PTPRD: variants seen among roughly 807,000 people sequenced by gnomAD.
PTPRD encodes receptor-type tyrosine-protein phosphatase delta.
Under a neutral mutation model 214.5 loss-of-function variants are expected in PTPRD, and 34 were observed. The ratio of observed to expected loss-of-function variants is 0.16; its 90% confidence interval spans 0.12 to 0.21. The LOEUF is 0.21. Among genes scored for constraint, PTPRD ranks in the 10% least tolerant of loss-of-function variants. PTPRD has a pLI of 1.00. For synonymous variants in PTPRD, 1,128 were observed against 845.7 expected (o/e 1.33, Z -5.79); for missense variants, 2,545 against 2,398.7 (o/e 1.06, Z -1.27).
chr9:9,374,200 A>T (rs1419808428), intron 9 of PTPRD, among the ~76,000 whole-genome samples: 3 of 152,078 alleles, frequency 2.0e-5, no homozygotes, highest in Non-Finnish European at 2.9e-5. Context: ...ATATAAAATG[A>T]TAGACTGCAA....
chr9:8,370,780 A>G (rs367696391), intron 39 of PTPRD, among the ~76,000 whole-genome samples: 26 of 152,154 alleles, frequency 1.7e-4, no homozygotes, highest in African/African-American at 6.0e-4. Flanking sequence ...CATGGGACCT[A>G]AAGTCTGGAG....
At chr9:10,254,669 T>G (rs10756018) in intron 3 of PTPRD, among the ~76,000 whole-genome samples, 71,364 of 152,024 alleles carry the variant, frequency 0.47, 17,780 homozygotes, top group East Asian at 0.64. Context: ...AAGGGGATCC[T>G]TTTGACTGCC....
intron 12 of PTPRD, among the ~76,000 whole-genome samples, chr9:8,701,800 G>C (rs1476868526): frequency 2.6e-5 from 4 of 152,080 alleles, no homozygotes; most frequent in African/African-American, 9.7e-5. Context: ...TACTATCTCA[G>C]TTACTGCCAC....
At chr9:8,757,219 AC>A (rs1191843546) in intron 11 of PTPRD, among the ~76,000 whole-genome samples, 1 of 152,210 alleles carries the variant, frequency 6.6e-6, no homozygotes, top group Non-Finnish European at 1.5e-5. Flanking sequence ...TGTTAGACAA[AC>A]AAAAAAAGGT....
chr9:9,149,921 G>A (rs770751433), intron 10 of PTPRD, among the ~76,000 whole-genome samples: 2 of 152,152 alleles, frequency 1.3e-5, no homozygotes, highest in Non-Finnish European at 2.9e-5. Flanking sequence ...AGGACTTAGA[G>A]CTTAGTATAA....
intron 34 of PTPRD, among the ~76,000 whole-genome samples, chr9:8,442,195 A>G (rs1476412581): frequency 6.6e-6 from 1 of 152,202 alleles, no homozygotes; most frequent in Admixed American, 6.5e-5. Context: ...CTGGAATGCT[A>G]TTTGGCAGAA....
intron 9 of PTPRD, among the ~76,000 whole-genome samples, chr9:9,280,735 A>G (rs1287019909): frequency 1.3e-5 from 2 of 151,300 alleles, no homozygotes; most frequent in Admixed American, 6.6e-5. Context: ...ATACAATCCT[A>G]ATAAAAATCT....
chr9:8,897,086 C>A (rs141788203), intron 11 of PTPRD, among the ~76,000 whole-genome samples: 1 of 152,120 alleles, frequency 6.6e-6, no homozygotes, highest in Non-Finnish European at 1.5e-5. Context: ...TGCTGATGAT[C>A]ATTTTCATTA....
intron 4 of PTPRD, among the ~76,000 whole-genome samples, chr9:9,967,327 A>G (rs147528482): frequency 1.3e-5 from 2 of 152,280 alleles, no homozygotes; most frequent in East Asian, 3.9e-4. Flanking sequence ...TTGTAGAAAT[A>G]AAGGCCCTTA....
chr9:8,817,689 C>T (rs2096950280), intron 11 of PTPRD, among the ~76,000 whole-genome samples: 1 of 152,156 alleles, frequency 6.6e-6, no homozygotes, highest in Non-Finnish European at 1.5e-5. Flanking sequence ...CTATCAATTT[C>T]ATAGAATGGT....
At chr9:9,522,990 T>C (rs1051526530) in intron 8 of PTPRD, among the ~76,000 whole-genome samples, 1 of 152,138 alleles carries the variant, frequency 6.6e-6, no homozygotes, top group Non-Finnish European at 1.5e-5. Context: ...GGAGGCCATG[T>C]ATATAGCAGA....
intron 4 of PTPRD, among the ~76,000 whole-genome samples, chr9:9,948,736 A>G (rs1424075878): frequency 6.6e-6 from 1 of 152,084 alleles, no homozygotes; most frequent in Non-Finnish European, 1.5e-5. Flanking sequence ...TGTTAAAAAG[A>G]TAAGAGAAAG....
chr9:8,986,300 ATAT>A (rs1181223040), intron 11 of PTPRD, among the ~76,000 whole-genome samples: 1 of 151,860 alleles, frequency 6.6e-6, no homozygotes. Flanking sequence ...ATCTAAATAG[ATAT>A]TATTTTTTAT....
intron 3 of PTPRD, among the ~76,000 whole-genome samples, chr9:10,116,859 G>C (rs1000906979): frequency 6.6e-6 from 1 of 151,966 alleles, no homozygotes; most frequent in South Asian, 2.1e-4. Context: ...CTTTGCACTT[G>C]CTCTTCCTTC....
At chr9:10,014,985 T>C (rs1042117861) in intron 4 of PTPRD, among the ~76,000 whole-genome samples, 4 of 152,076 alleles carry the variant, frequency 2.6e-5, no homozygotes, top group Non-Finnish European at 5.9e-5. Context: ...GATCTGTAAA[T>C]GGTAATAGCC....
intron 11 of PTPRD, among the ~76,000 whole-genome samples, chr9:8,888,215 CAACAA>C (rs1566841358): frequency 6.6e-6 from 1 of 152,060 alleles, no homozygotes; most frequent in East Asian, 1.9e-4. Flanking sequence ...AGTGGAAAAA[CAACAA>C]AACAAGAGTG....
chr9:9,632,635 G>A (rs67778137), intron 7 of PTPRD, among the ~76,000 whole-genome samples: 26,449 of 151,556 alleles, frequency 0.17, 2,585 homozygotes, highest in African/African-American at 0.26. Context: ...AGGAGAGATA[G>A]TTCAAATGTT....
intron 2 of PTPRD, among the ~76,000 whole-genome samples, chr9:10,420,843 T>C (rs935723507): frequency 1.3e-4 from 20 of 151,972 alleles, no homozygotes; most frequent in African/African-American, 4.8e-4. Flanking sequence ...ACCTTCTTTT[T>C]TTTTATTCTT....
At chr9:10,115,677 G>T (rs1179099183) in intron 3 of PTPRD, among the ~76,000 whole-genome samples, 11 of 152,014 alleles carry the variant, frequency 7.2e-5, no homozygotes, top group Admixed American at 7.2e-4. Context: ...CTAAGGGAAA[G>T]ATTCACTGTA....
Sources: allele counts gnomAD v4.1 joint callset (sites outside exome capture counted in the v4.1 genomes callset), GRCh38; gene constraint gnomAD v4.1.1; transcripts MANE v1.5; gene names NCBI Gene and HGNC (gene_info 2026-07-23, HGNC 2026-07-21).